PTPRK: variants seen among roughly 807,000 people sequenced by gnomAD.
PTPRK encodes receptor-type tyrosine-protein phosphatase kappa.
In PTPRK, 75 loss-of-function variants were observed where a neutral mutation model predicts 178.0. That is an observed-to-expected ratio of 0.42 (90% CI 0.35 to 0.51). The LOEUF is 0.51. Among genes scored for constraint, PTPRK ranks in the 20% least tolerant of loss-of-function variants. PTPRK has a pLI of 0.02. For missense variants in PTPRK, 1,441 were observed against 1,797.8 expected, an observed-to-expected ratio of 0.80 and a Z score of 3.59; for synonymous variants, 637 against 620.6, an observed-to-expected ratio of 1.03 and a Z score of -0.39.
In PTPRK at chr6:128,438,346, T is replaced by C. The variant is rs78953436; in HGVS notation, c.101-40658A>G. On this transcript the variant is annotated intron_variant, in intron 1 of 29. Coordinates refer to ENST00000368226, the MANE Select transcript of PTPRK (RefSeq NM_002844.4). ...TACTCTTATACACACAGTAACACTC[T>C]AAACCATAATAATTCTACTGTAAGT... is the stretch of plus-strand genomic sequence containing the variant. Among the ~76,000 whole-genome samples the C allele has an allele frequency of 5.1e-3, 778 of 152,356 alleles. 7 individuals are homozygous for C. The highest frequency in any genetic ancestry group is 0.018 in the African/African-American group (753 of 41,592).
At chr6:128,392,074 G>C (rs1220919223) in intron 2 of PTPRK, among the ~76,000 whole-genome samples, 1 of 152,094 alleles carries the variant, frequency 6.6e-6, no homozygotes, top group Admixed American at 6.5e-5. Context: ...GGAATTATCT[G>C]TTTTATAATC....
At chr6:128,034,896 T>C (rs1306986796) in intron 13 of PTPRK, among the ~76,000 whole-genome samples, 3 of 152,164 alleles carry the variant, frequency 2.0e-5, no homozygotes, top group African/African-American at 7.2e-5. Flanking sequence ...TTAAGTAATA[T>C]GAAATGTTTC....
intron 2 of PTPRK, among the ~76,000 whole-genome samples, chr6:128,395,682 T>C (rs1840207273): frequency 6.6e-6 from 1 of 152,092 alleles, no homozygotes. Context: ...TAAGGTTACA[T>C]ACCTTTGAAA....
At chr6:128,175,827 A>C (rs1259471683) in intron 7 of PTPRK, among the ~76,000 whole-genome samples, 2 of 151,874 alleles carry the variant, frequency 1.3e-5, no homozygotes, top group Non-Finnish European at 2.9e-5. Flanking sequence ...TGGGACTTCC[A>C]GCAAGGGCCC....
At chr6:127,980,891 ACAAT>A (rs1353832988) in intron 25 of PTPRK, among the ~76,000 whole-genome samples, 2 of 152,210 alleles carry the variant, frequency 1.3e-5, no homozygotes, top group African/African-American at 2.4e-5. Context: ...ATAATAATTG[ACAAT>A]CAAGCTCCAA....
chr6:128,041,140 A>G (rs1314908054), intron 13 of PTPRK, among the ~76,000 whole-genome samples: 1 of 152,146 alleles, frequency 6.6e-6, no homozygotes, highest in Non-Finnish European at 1.5e-5. Context: ...TAGGGGTTAC[A>G]TAATTTATTT....
intron 3 of PTPRK, among the ~76,000 whole-genome samples, chr6:128,318,913 T>G (rs537963753): frequency 6.6e-6 from 1 of 152,274 alleles, no homozygotes; most frequent in African/African-American, 2.4e-5. Context: ...GCCCATAAAA[T>G]ACGTAGAATA....
At chr6:128,369,007 T>C (rs903899397) in intron 2 of PTPRK, among the ~76,000 whole-genome samples, 5 of 151,924 alleles carry the variant, frequency 3.3e-5, no homozygotes, top group Non-Finnish European at 5.9e-5. Context: ...AGAGCTAAAC[T>C]ACATAGTTGA....
At chr6:128,128,322 G>T (rs765948694) in intron 7 of PTPRK, among the ~76,000 whole-genome samples, 2 of 152,032 alleles carry the variant, frequency 1.3e-5, no homozygotes, top group African/African-American at 4.8e-5. Flanking sequence ...ATCTTCTTTA[G>T]AATCTCACCC....
intron 1 of PTPRK, among the ~76,000 whole-genome samples, chr6:128,427,189 C>A (rs188908535): frequency 8.5e-5 from 13 of 152,258 alleles, no homozygotes; most frequent in Admixed American, 6.5e-4. Context: ...GCTTTGTGTG[C>A]ATTCTCTCTC....
At chr6:128,465,156 G>A (rs943735399) in intron 1 of PTPRK, among the ~76,000 whole-genome samples, 1 of 151,788 alleles carries the variant, frequency 6.6e-6, no homozygotes, top group African/African-American at 2.4e-5. Flanking sequence ...GTGGGACCCA[G>A]GGAAAGGTAG....
At chr6:128,060,589 T>A (rs147640862) in intron 13 of PTPRK, among the ~76,000 whole-genome samples, 1 of 152,138 alleles carries the variant, frequency 6.6e-6, no homozygotes, top group Non-Finnish European at 1.5e-5. Flanking sequence ...CTATAGAATA[T>A]GGTCATAAGA....
At chr6:128,085,553 T>C (rs1785631068) in intron 8 of PTPRK, among the ~76,000 whole-genome samples, 2 of 152,232 alleles carry the variant, frequency 1.3e-5, no homozygotes, top group Non-Finnish European at 2.9e-5. Context: ...CTGCCTATGT[T>C]TACCTAACAC....
chr6:128,136,294 G>A (rs932760690), intron 7 of PTPRK, among the ~76,000 whole-genome samples: 1 of 151,984 alleles, frequency 6.6e-6, no homozygotes, highest in African/African-American at 2.4e-5. Flanking sequence ...AAATACATAT[G>A]GTATCAAAAA....
intron 1 of PTPRK, among the ~76,000 whole-genome samples, chr6:128,479,964 G>T (rs1313121066): frequency 1.3e-5 from 2 of 152,080 alleles, no homozygotes; most frequent in Non-Finnish European, 2.9e-5. Flanking sequence ...ACCAAACTCA[G>T]TGGTGGCTTT....
At chr6:128,309,922 T>C (rs1826986183) in intron 3 of PTPRK, among the ~76,000 whole-genome samples, 1 of 152,028 alleles carries the variant, frequency 6.6e-6, no homozygotes. Context: ...CTAGTAGAGG[T>C]AATAAGATTG....
chr6:128,142,995 A>T (rs1328132927), intron 7 of PTPRK, among the ~76,000 whole-genome samples: 2 of 152,104 alleles, frequency 1.3e-5, no homozygotes, highest in Non-Finnish European at 2.9e-5. Context: ...TTATTTCTCA[A>T]ATACTCTTCA....
intron 4 of PTPRK, chr6:128,241,388 G>C (rs1343594467): frequency 2.0e-6 from 1 of 494,756 alleles, no homozygotes; most frequent in Non-Finnish European, 4.1e-6. Context: ...CAGGGGAAGA[G>C]CCAAGCAATC....
intron 5 of PTPRK, among the ~76,000 whole-genome samples, chr6:128,226,574 AT>A (rs1811329316): frequency 6.6e-6 from 1 of 151,986 alleles, no homozygotes; most frequent in Non-Finnish European, 1.5e-5. Flanking sequence ...AGTAGAAGAA[AT>A]TCTACCAGTG....
Sources: gnomAD v4.1 joint callset for allele counts (sites outside exome capture counted in the v4.1 genomes callset) on GRCh38, gnomAD v4.1.1 for gene constraint, MANE v1.5 for transcripts, NCBI Gene and HGNC (gene_info 2026-07-23, HGNC 2026-07-21) for gene names.